Variants in FBP2 observed in about 807,000 individuals in gnomAD.
FBP2 encodes fructose-1,6-bisphosphatase isozyme 2.
FBP2 carries 27 observed loss-of-function variants against 31.6 expected under a neutral mutation model. The observed-to-expected ratio is 0.85, with a 90% CI of 0.63 to 1.18. FBP2 has a LOEUF of 1.18. Among genes scored for constraint, FBP2 ranks in the 50% most tolerant of loss-of-function variants. FBP2 has a pLI of 0.00. For synonymous variants in FBP2, 168 were observed against 179.8 expected (o/e 0.93, Z 0.53); for missense variants, 421 against 436.1 (o/e 0.97, Z 0.31).
chr9:94,563,317 C>T lies in FBP2; in HGVS notation c.825+25G>A, dbSNP rs753153227. The T allele has an allele frequency of 2.5e-6, 4 of 1,611,470 alleles. No homozygotes were observed. The Admixed American group carries it at 5.0e-5, about 20-fold the overall frequency. On this transcript the variant is annotated intron_variant, in intron 6 of 6. Transcript: ENST00000375337. ...TCCCCCACCTCCCTGACCGGATGCA[C>T]AGCCAGTGGACAAGGGAGAATTACC...
intron 6 of FBP2, among the ~76,000 whole-genome samples, chr9:94,561,863 T>A (rs749813137): frequency 7.2e-5 from 11 of 152,112 alleles, no homozygotes; most frequent in Non-Finnish European, 1.6e-4. Context: ...CAAACGCAGA[T>A]CTATCTATGG....
chr9:94,587,262 TATC>T, intron 2 of FBP2, 42 bp downstream of exon 2: 2 of 1,545,670 alleles, frequency 1.3e-6, no homozygotes, highest in Non-Finnish European at 1.7e-6. Flanking sequence ...TCCGGCTCAG[TATC>T]ATCATCTACT....
At chr9:94,581,215 T>C (rs1827369331) in intron 3 of FBP2, among the ~76,000 whole-genome samples, 1 of 152,144 alleles carries the variant, frequency 6.6e-6, no homozygotes, top group Admixed American at 6.5e-5. Flanking sequence ...GCCTAAAGAC[T>C]ATAGTGGAAG....
At chr9:94,565,870 G>C (rs1039461088) in intron 5 of FBP2, among the ~76,000 whole-genome samples, 7 of 152,106 alleles carry the variant, frequency 4.6e-5, no homozygotes, top group Admixed American at 2.0e-4. Flanking sequence ...GGGGAGGAGA[G>C]CAAGGGCCTC....
intron 5 of FBP2, among the ~76,000 whole-genome samples, chr9:94,564,418 C>A (rs1827155805): frequency 6.6e-6 from 1 of 152,168 alleles, no homozygotes; most frequent in Non-Finnish European, 1.5e-5. Flanking sequence ...CCTAAATGCC[C>A]ATCAGTGGTA....
rs561979288 is a variant in FBP2, at chr9:94,587,742, G to A, written c.171-273C>T. Among the ~76,000 whole-genome samples the A allele has an allele frequency of 1.3e-4, 20 of 152,278 alleles. No individual in the cohort carries two copies. The South Asian group carries it at 3.9e-3, about 30-fold the overall frequency. On this transcript the variant is annotated intron_variant, in intron 1 of 6. Coordinates refer to ENST00000375337, the MANE Select transcript of FBP2 (RefSeq NM_003837.4). Reference sequence around the variant, plus strand: ...TAAAACACAAACCCAGTCTCAGCACGAGGAGATGGAGCAGATGGGGGGACT... The same window carrying A: ...TAAAACACAAACCCAGTCTCAGCACAAGGAGATGGAGCAGATGGGGGGACT...
chr9:94,591,881 C>T (rs1374580744), intron 1 of FBP2, among the ~76,000 whole-genome samples: 1 of 152,138 alleles, frequency 6.6e-6, no homozygotes, highest in Admixed American at 6.5e-5. Flanking sequence ...TAATAAGCAC[C>T]TCAATTATCC....
chr9:94,579,614 C>T (rs1827356107), intron 3 of FBP2, among the ~76,000 whole-genome samples: 1 of 152,054 alleles, frequency 6.6e-6, no homozygotes, highest in African/African-American at 2.4e-5. Context: ...TAATAGCCCC[C>T]TATGTTTAAA....
At chr9:94,560,729 T>C (rs1424762319) in intron 6 of FBP2, among the ~76,000 whole-genome samples, 2 of 147,982 alleles carry the variant, frequency 1.4e-5, no homozygotes, top group South Asian at 4.2e-4. Context: ...TTATATAATA[T>C]ATATTTACAT....
intron 6 of FBP2, among the ~76,000 whole-genome samples, chr9:94,560,265 A>C (rs1263013513): frequency 6.6e-6 from 1 of 152,208 alleles, no homozygotes; most frequent in Non-Finnish European, 1.5e-5. Context: ...CAGAGGAAGG[A>C]AGGCCTTCTC....
chr9:94,582,924 A>G (rs1827388953), intron 3 of FBP2, among the ~76,000 whole-genome samples: 1 of 136,304 alleles, frequency 7.3e-6, no homozygotes, highest in Non-Finnish European at 1.5e-5. Flanking sequence ...GCGCAATCTC[A>G]GCTCACTGCA....
Position 94,567,277 on chromosome 9 carries a change from A to T in FBP2, c.698T>A (p.Phe233Tyr), listed in dbSNP as rs1165334772. Residue 233 changes from phenylalanine (F) to tyrosine (Y), a missense_variant, in exon 5 of 7, where the codon TTC becomes TAC. By Grantham distance (22) the Phe-to-Tyr change is conservative. Transcript: ENST00000375337. ...CTGGCTTTCTTCACTCACCTCAGGG[A>T]ATTTCTTTTTCTGCACATATTCAGT... ...ATTEYVQKKK[F>Y]PEDGSAPYGA... 6.2e-7 allele frequency: 1 copy of T among 1,614,078 alleles called. No individual in the cohort carries two copies. Among genetic ancestry groups the T allele is most frequent in the East Asian group, 2.2e-5 (1 of 44,876 alleles).
At chr9:94,563,538 A>G in intron 5 of FBP2, 77 bp from the exon 6 acceptor site, 3 of 1,531,546 alleles carry the variant, frequency 2.0e-6, no homozygotes, top group Non-Finnish European at 2.7e-6. Flanking sequence ...TCACAAGTCC[A>G]GTTGGTGTGA....
chr9:94,590,278 C>T (rs887477246), intron 1 of FBP2, among the ~76,000 whole-genome samples: 30 of 152,216 alleles, frequency 2.0e-4, no homozygotes, highest in Admixed American at 1.6e-3. Flanking sequence ...TGATCCCCCA[C>T]GGCCATGAGA....
chr9:94,566,124 T>C (rs1410304376), intron 5 of FBP2, among the ~76,000 whole-genome samples: 2 of 152,226 alleles, frequency 1.3e-5, no homozygotes, highest in Non-Finnish European at 2.9e-5. Context: ...ATCACTATAA[T>C]CCTGATTTAG....
chr9:94,590,628 G>A (rs1239664837), intron 1 of FBP2, among the ~76,000 whole-genome samples: 2 of 152,262 alleles, frequency 1.3e-5, no homozygotes, highest in Non-Finnish European at 1.5e-5. Flanking sequence ...GCAGATCTTC[G>A]CGGTGAGTGT....
chr9:94,560,720 TATATA>T (rs1379577830), intron 6 of FBP2, among the ~76,000 whole-genome samples: 5 of 147,954 alleles, frequency 3.4e-5, no homozygotes, highest in African/African-American at 7.4e-5. Flanking sequence ...TATTATATAT[TATATA>T]ATATATATTT....
At chr9:94,579,442 C>A (rs1827353888) in intron 3 of FBP2, among the ~76,000 whole-genome samples, 1 of 149,680 alleles carries the variant, frequency 6.7e-6, no homozygotes. Context: ...AATTCTTGTC[C>A]TAAAAATAAT....
At chr9:94,566,494 T>G (rs1296106543) in intron 5 of FBP2, among the ~76,000 whole-genome samples, 1 of 152,282 alleles carries the variant, frequency 6.6e-6, no homozygotes. Flanking sequence ...AGGGATACTT[T>G]TAGTTAATCG....
Sources: allele counts gnomAD v4.1 joint callset (sites outside exome capture counted in the v4.1 genomes callset), GRCh38; gene constraint gnomAD v4.1.1; transcripts MANE v1.5; gene names NCBI Gene and HGNC (gene_info 2026-07-23, HGNC 2026-07-21).